The following NCSTN variants were observed in gnomAD, a reference collection of about 807,000 sequenced individuals.
NCSTN encodes nicastrin, also known as anterior pharynx-defective 2.
Under a neutral mutation model 87.0 loss-of-function variants are expected in NCSTN, and 22 were observed. That is an observed-to-expected ratio of 0.25 (90% CI 0.18 to 0.36). The LOEUF is 0.36. Ranked by LOEUF, NCSTN falls within the 10% of genes least tolerant of loss-of-function variation. The pLI, the probability that NCSTN is intolerant of heterozygous loss-of-function variation, is 1.00. For synonymous variants in NCSTN, 306 were observed against 327.1 expected (o/e 0.94, Z 0.69); for missense variants, 693 against 883.3 (o/e 0.78, Z 2.73).
chr1:160,344,459 A>C (rs1648330678), intron 1 of NCSTN: 1 of 1,491,698 alleles, frequency 6.7e-7, no homozygotes, highest in Non-Finnish European at 8.9e-7. Flanking sequence ...CCTTTGACCA[A>C]GTTTTCTCTC....
intron 16 of NCSTN, among the ~76,000 whole-genome samples, chr1:160,357,791 T>C (rs1649203276): frequency 6.6e-6 from 1 of 152,164 alleles, no homozygotes; most frequent in South Asian, 2.1e-4. Context: ...CAGCTTCAAC[T>C]CCCGGCTGGC....
intron 2 of NCSTN, among the ~76,000 whole-genome samples, chr1:160,348,283 C>G (rs1030134428): frequency 4.6e-5 from 7 of 152,136 alleles, no homozygotes; most frequent in African/African-American, 1.7e-4. Context: ...TGTCATGAGA[C>G]ACATAGAAAA....
At chr1:160,356,814 G>T (rs1649153785) in intron 15 of NCSTN, 60 bp downstream of exon 15, 3 of 1,603,714 alleles carry the variant, frequency 1.9e-6, no homozygotes, top group East Asian at 2.2e-5. Flanking sequence ...AAAGTTGGAG[G>T]TTCTTCTAGA....
At chr1:160,351,437 G>C (rs2101902052) in intron 6 of NCSTN, 65 bp downstream of exon 6, 1 of 1,556,764 alleles carries the variant, frequency 6.4e-7, no homozygotes, top group South Asian at 1.1e-5. Flanking sequence ...AACCAGGCCA[G>C]GGAATGTTAG....
intron 16 of NCSTN, 110 bp from the exon 17 acceptor site, chr1:160,358,039 T>C: frequency 7.0e-7 from 1 of 1,419,150 alleles, no homozygotes; most frequent in East Asian, 2.3e-5. Flanking sequence ...AGTTGGTGCT[T>C]AGAGCCAGCA....
intron 10 of NCSTN, chr1:160,353,794 T>G (rs1557887521): frequency 1.2e-6 from 1 of 857,550 alleles, no homozygotes; most frequent in Non-Finnish European, 1.4e-6. Flanking sequence ...TATTATTTGC[T>G]CCCTTCAATT....
rs1350660211 is a variant in NCSTN at position 160,352,928 on chromosome 1, T to C, written c.1038T>C (p.Asp346=). Residue 346 remains aspartate (D), a synonymous_variant, in exon 9 of 17, where the codon GAT becomes GAC. Transcript: ENST00000294785. The stretch of plus-strand genomic sequence containing the variant: ...TTGGCAGCTCGAGGATGGTCTACGA[T>C]ATGGAGAAGGGCAAGTTTCCCGTGC... ...DYIGSSRMVY[D]MEKGKFPVQL... is the part of the protein sequence containing the mutation. 3 of 1,614,202 alleles carry C rather than the reference T, an allele frequency of 1.9e-6. No individual in the cohort carries two copies. In the South Asian group the frequency reaches 3.3e-5, roughly 18 times the overall value.
intron 11 of NCSTN, among the ~76,000 whole-genome samples, chr1:160,355,034 T>C (rs1222085231): frequency 1.3e-5 from 2 of 152,224 alleles, no homozygotes; most frequent in Non-Finnish European, 2.9e-5. Context: ...TGTACCACTT[T>C]GGGGCAAGTG....
At position 160,344,547 on chromosome 1, in the gene NCSTN, C is replaced by G. The variant is rs1648339289; in HGVS notation, c.86-175C>G. Reference sequence around the variant, plus strand: ...GCACATAGCTGGGTGCCATGTAGAACATGTATCTGTTACGATAAGTGTGTG... The same window carrying G: ...GCACATAGCTGGGTGCCATGTAGAAGATGTATCTGTTACGATAAGTGTGTG... On this transcript the variant is annotated intron_variant, in intron 1 of 16. Transcript: ENST00000294785. The G allele has an allele frequency of 1.9e-6, 3 of 1,550,150 alleles. No homozygotes were observed. In the Admixed American group the frequency reaches 5.9e-5, roughly 30 times the overall value.
chr1:160,343,690 A>C (rs1648255001), intron 1 of NCSTN: 2 of 708,358 alleles, frequency 2.8e-6, no homozygotes, highest in Admixed American at 2.0e-5. Flanking sequence ...GTGTCGCTTC[A>C]CTCCCTTCTC....
intron 11 of NCSTN, among the ~76,000 whole-genome samples, chr1:160,355,129 A>G (rs138462949): frequency 2.5e-4 from 38 of 152,276 alleles, no homozygotes; most frequent in African/African-American, 8.2e-4. Flanking sequence ...GATGGTAAAG[A>G]CTGTGGAGCT....
chr1:160,352,797 T>C, intron 8 of NCSTN, 90 bp from the exon 9 acceptor site: 1 of 991,854 alleles, frequency 1.0e-6, no homozygotes, highest in Non-Finnish European at 1.6e-6. Flanking sequence ...ATAGTCGTCT[T>C]ACCTACAGCT....
rs1225479946 is a variant in NCSTN at position 160,351,221 on chromosome 1, G to GT, written c.583dup (p.Cys195LeufsTer55). The GT allele has an allele frequency of 6.2e-7, 1 of 1,613,988 alleles. No individual in the cohort carries two copies. On this transcript the variant is annotated frameshift_variant and splice_region_variant. Coordinates refer to ENST00000294785, the MANE Select transcript of NCSTN (RefSeq NM_015331.3). LOFTEE classifies it high-confidence loss of function. ...TCAGTGGGGTCCATCTCCCCTTTCA[G>GT]TGCTATCAAGATCACAACCTGAGTC...
At chr1:160,349,222 G>A in intron 3 of NCSTN, 100 bp downstream of exon 3, 1 of 1,505,414 alleles carries the variant, frequency 6.6e-7, no homozygotes, top group Non-Finnish European at 9.2e-7. Flanking sequence ...GGCTGCCCTG[G>A]TCTGGTCAGG....
rs1648971765 is a variant in NCSTN at position 160,353,409 on chromosome 1, T to A, written c.1179+172T>A. ...CAGCTGTTGTTGCTGCTGGGAAGAATCAGGAACTCAGTGACATTCCATTGG... is the reference window on the plus strand; with the variant it reads ...CAGCTGTTGTTGCTGCTGGGAAGAAACAGGAACTCAGTGACATTCCATTGG... On this transcript the variant is annotated intron_variant, in intron 10 of 16. Transcript: ENST00000294785. The A allele has an allele frequency of 2.7e-6, 4 of 1,504,818 alleles. No homozygotes were observed. In the South Asian group the frequency reaches 5.1e-5, roughly 19 times the overall value. 93.2% of individuals were successfully genotyped at this position (1,504,818 alleles called of 1,614,324 possible). A position where few individuals can be genotyped will look rare whatever the true frequency, so the allele number is the denominator to read the frequency against.
rs1184685522 is a variant in NCSTN at position 160,343,605 on chromosome 1, C to CT, written c.85+127dup. ...TCTGTCCCCCCACCCTGTAAATCCT[C>CT]TTTCTTTTTCGTTCCCACGACAGAA... On this transcript the variant is annotated intron_variant, in intron 1 of 16. Transcript: ENST00000294785. The CT allele has an allele frequency of 5.2e-6, 5 of 957,320 alleles. No homozygotes were observed. The Admixed American group carries it at 6.0e-5, about 12-fold the overall frequency. 59.3% of individuals were successfully genotyped at this position (957,320 alleles called of 1,614,324 possible).
At chr1:160,355,993 T>C in intron 13 of NCSTN, 35 bp downstream of exon 13, 2 of 1,555,532 alleles carry the variant, frequency 1.3e-6, no homozygotes, top group Non-Finnish European at 1.8e-6. Flanking sequence ...TCTTTCTATT[T>C]ACACAGCAAG....
At position 160,351,337 on chromosome 1, in the gene NCSTN, G is replaced by A. The variant is rs747016431; in HGVS notation, c.698G>A (p.Arg233His). 2.5e-6 allele frequency: 4 copies of A among 1,614,180 alleles called. No homozygotes were observed. The highest frequency in any genetic ancestry group is 3.4e-6 in the Non-Finnish European group (4 of 1,180,040). ...ATCAGCACTGCCACCTGCATGCGGC[G>A]CAGCTCCATCCAAAGCACCTTCAGC... Reference protein sequence around the residue: ...AVISTATCMRRSSIQSTFSIN... With the variant: ...AVISTATCMRHSSIQSTFSIN... The change falls in exon 6 of 17, where the codon CGC becomes CAC. Residue 233 changes from arginine to histidine, a missense_variant. Arg to His is a conservative substitution (Grantham distance 29). This residue lies in a region of NCSTN where 134 missense variants were observed against 226.0 expected (regional missense o/e 0.59). Coordinates refer to ENST00000294785, the MANE Select transcript of NCSTN (RefSeq NM_015331.3).
At position 160,358,136 on chromosome 1, in the gene NCSTN, C is replaced by T. The variant is rs1375038049; in HGVS notation, c.2008-13C>T. 2 of 1,614,016 alleles carry T rather than the reference C, an allele frequency of 1.2e-6. No individual in the cohort carries two copies. The highest frequency in any genetic ancestry group is 2.7e-5 in the African/African-American group (2 of 74,896). Reference sequence around the variant, plus strand: ...AATGCCTTTGTCCTTTCCTGCCCTCCCTCCCCCTGCAGTTGATCACCCTGA... The same window carrying T: ...AATGCCTTTGTCCTTTCCTGCCCTCTCTCCCCCTGCAGTTGATCACCCTGA... On this transcript the variant is annotated splice_polypyrimidine_tract_variant and intron_variant, in intron 16 of 16. Transcript: ENST00000294785.
Sources: gnomAD v4.1 joint callset for allele counts (sites outside exome capture counted in the v4.1 genomes callset) on GRCh38, gnomAD v4.1.1 for gene constraint, gnomAD v4.1.1 regional missense constraint, MANE v1.5 for transcripts, NCBI Gene and HGNC (gene_info 2026-07-23, HGNC 2026-07-21) for gene names.